RGS7: variants seen among roughly 807,000 people sequenced by gnomAD.
RGS7 encodes the protein regulator of G-protein signaling 7.
In RGS7, 27 loss-of-function variants were observed where a neutral mutation model predicts 81.1. That is an observed-to-expected ratio of 0.33 (90% confidence interval 0.25 to 0.46). The LOEUF is 0.46. Ranked by LOEUF, RGS7 falls within the 20% of genes least tolerant of loss-of-function variation. The pLI is 1.00. For synonymous variants in RGS7, 208 were observed against 207.7 expected, an observed-to-expected ratio of 1.00 and a Z score of -0.01; for missense variants, 396 against 607.4, an observed-to-expected ratio of 0.65 and a Z score of 3.66.
intron 4 of RGS7, among the ~76,000 whole-genome samples, chr1:240,962,788 T>G (rs1263697119): frequency 1.3e-5 from 2 of 152,222 alleles, no homozygotes; most frequent in African/African-American, 4.8e-5. Flanking sequence ...CATATGCAAA[T>G]TATTGTGATT....
At chr1:240,859,004 G>T (rs559258884) in intron 9 of RGS7, among the ~76,000 whole-genome samples, 1 of 152,262 alleles carries the variant, frequency 6.6e-6, no homozygotes, top group South Asian at 2.1e-4. Context: ...TAGCCTCATA[G>T]AATGAGTTAG....
At chr1:241,007,537 C>T (rs561776936) in intron 3 of RGS7, among the ~76,000 whole-genome samples, 7 of 152,198 alleles carry the variant, frequency 4.6e-5, no homozygotes, top group South Asian at 2.1e-4. Context: ...CAAGACTCAA[C>T]GGTGTAAGGA....
intron 2 of RGS7, among the ~76,000 whole-genome samples, chr1:241,161,941 T>C (rs567255626): frequency 5.3e-5 from 8 of 152,198 alleles, no homozygotes; most frequent in Admixed American, 5.2e-4. Context: ...GGTCTCGAAC[T>C]CCTGACCTCA....
chr1:241,054,918 T>C (rs2061408720), intron 3 of RGS7, among the ~76,000 whole-genome samples: 1 of 152,220 alleles, frequency 6.6e-6, no homozygotes, highest in South Asian at 2.1e-4. Flanking sequence ...CAGTGGTTTT[T>C]CAATGCTAAT....
At chr1:241,264,933 C>T (rs749037896) in intron 2 of RGS7, among the ~76,000 whole-genome samples, 5 of 152,212 alleles carry the variant, frequency 3.3e-5, no homozygotes, top group Non-Finnish European at 5.9e-5. Flanking sequence ...TGCAAGTTTC[C>T]CCCTCCATGG....
At chr1:241,078,928 T>C (rs779946434) in intron 3 of RGS7, among the ~76,000 whole-genome samples, 2 of 152,196 alleles carry the variant, frequency 1.3e-5, no homozygotes, top group Non-Finnish European at 2.9e-5. Flanking sequence ...ATGTACTCTT[T>C]CCACTACTCA....
intron 2 of RGS7, among the ~76,000 whole-genome samples, chr1:241,347,394 C>A (rs1160393074): frequency 6.6e-6 from 1 of 152,210 alleles, no homozygotes; most frequent in African/African-American, 2.4e-5. Context: ...TTCATGACTA[C>A]TACTCTGCAT....
intron 3 of RGS7, among the ~76,000 whole-genome samples, chr1:241,016,372 G>A (rs1414771706): frequency 3.3e-5 from 5 of 152,078 alleles, no homozygotes; most frequent in Non-Finnish European, 7.4e-5. Context: ...ACAAAAATTA[G>A]CTGGGTGTGG....
At chr1:241,248,455 T>C (rs964966362) in intron 2 of RGS7, among the ~76,000 whole-genome samples, 1 of 150,054 alleles carries the variant, frequency 6.7e-6, no homozygotes, top group Non-Finnish European at 1.5e-5. Flanking sequence ...TGGAAAAATA[T>C]ATTTTGGTCG....
chr1:240,999,729 T>C lies in RGS7; in HGVS notation c.176-16600A>G, dbSNP rs75406614. On this transcript the variant is annotated intron_variant, in intron 3 of 18. Transcript: ENST00000440928. Reference sequence around the variant, plus strand: ...GATTCTCGTGTCTCAGCCTACCAAGTAGCTGGGACTACAAGCATGTGCCAC... The same window carrying C: ...GATTCTCGTGTCTCAGCCTACCAAGCAGCTGGGACTACAAGCATGTGCCAC... Among the ~76,000 whole-genome samples the C allele has an allele frequency of 4.8e-3, 728 of 151,942 alleles. 36 individuals are homozygous for C. In the East Asian group the frequency reaches 0.12, roughly 26 times the overall value.
chr1:241,252,413 G>A (rs545418880), intron 2 of RGS7, among the ~76,000 whole-genome samples: 1 of 152,164 alleles, frequency 6.6e-6, no homozygotes, highest in Non-Finnish European at 1.5e-5. Flanking sequence ...ACTACCATGA[G>A]CCAGAGCCCA....
intron 2 of RGS7, among the ~76,000 whole-genome samples, chr1:241,283,354 T>C (rs992845966): frequency 2.6e-5 from 4 of 152,200 alleles, no homozygotes; most frequent in African/African-American, 9.6e-5. Context: ...TCTATTAGTT[T>C]TCCTCCATTT....
At chr1:241,087,325 G>T (rs61832522) in intron 3 of RGS7, among the ~76,000 whole-genome samples, 7,032 of 151,864 alleles carry the variant, frequency 0.046, 188 homozygotes, top group Non-Finnish European at 0.053. Context: ...AATATTTAAA[G>T]GGCAAAAAAA....
intron 2 of RGS7, among the ~76,000 whole-genome samples, chr1:241,349,428 A>G (rs191835993): frequency 1.3e-5 from 2 of 152,364 alleles, no homozygotes; most frequent in Admixed American, 6.5e-5. Context: ...ACAACAATGT[A>G]TCTTTCCAGA....
chr1:240,936,583 AT>A lies in RGS7; in HGVS notation c.333+16del, dbSNP rs1676674734. On this transcript the variant is annotated intron_variant, in intron 5 of 18. Transcript: ENST00000440928. ...GGCTTCTAGTTTACTGTTAAAGAAC[AT>A]TTCTAATAAACTTACTTGAAACCGG... is the stretch of plus-strand genomic sequence containing the variant. The A allele has an allele frequency of 5.1e-6, 8 of 1,581,496 alleles. No individual in the cohort carries two copies. Among genetic ancestry groups the A allele is most frequent in the Non-Finnish European group, 7.0e-6 (8 of 1,150,332 alleles).
intron 10 of RGS7, among the ~76,000 whole-genome samples, chr1:240,822,243 T>G (rs1691928102): frequency 6.6e-6 from 1 of 152,132 alleles, no homozygotes. Context: ...TTTGTTGTTT[T>G]GAAGAACAAG....
chr1:240,778,114 C>T (rs1683283818), intron 18 of RGS7, among the ~76,000 whole-genome samples: 1 of 145,712 alleles, frequency 6.9e-6, no homozygotes, highest in African/African-American at 2.6e-5. Flanking sequence ...GATCTAATGA[C>T]CTTCCAAAGG....
At chr1:241,268,253 C>T (rs886679324) in intron 2 of RGS7, among the ~76,000 whole-genome samples, 8 of 152,196 alleles carry the variant, frequency 5.3e-5, no homozygotes, top group African/African-American at 1.9e-4. Context: ...TAATTCAGTG[C>T]GTAGACTTCA....
intron 2 of RGS7, among the ~76,000 whole-genome samples, chr1:241,123,908 C>A (rs556727781): frequency 2.0e-5 from 3 of 152,182 alleles, no homozygotes; most frequent in Non-Finnish European, 2.9e-5. Flanking sequence ...TAGAAGAGGG[C>A]CTGCCCCTGG....
Sources: allele counts gnomAD v4.1 joint callset (sites outside exome capture counted in the v4.1 genomes callset), GRCh38; gene constraint gnomAD v4.1.1; transcripts MANE v1.5; gene names NCBI Gene and HGNC (gene_info 2026-07-23, HGNC 2026-07-21).